Variants in VAV3 observed in about 807,000 individuals in gnomAD.
VAV3 encodes the protein vav guanine nucleotide exchange factor 3, also known as guanine nucleotide exchange factor VAV3.
A neutral mutation model predicts 131.2 loss-of-function variants in VAV3; 94 were observed. That is an observed-to-expected ratio of 0.72 (90% CI 0.61 to 0.85). The LOEUF is 0.85. Ranked by LOEUF, VAV3 falls within the 40% of genes least tolerant of loss-of-function variation. The pLI is 0.00. For synonymous variants in VAV3, 349 were observed against 342.0 expected, an observed-to-expected ratio of 1.02 and a Z score of -0.22; for missense variants, 939 against 1,002.7, an observed-to-expected ratio of 0.94 and a Z score of 0.86.
chr1:107,658,194 C>T (rs561345122), intron 19 of VAV3, among the ~76,000 whole-genome samples: 38 of 152,110 alleles, frequency 2.5e-4, no homozygotes, highest in South Asian at 8.3e-4. Flanking sequence ...TGAGAACATG[C>T]GGTGTTTGGT....
intron 2 of VAV3, among the ~76,000 whole-genome samples, chr1:107,826,552 G>C (rs1668022469): frequency 6.6e-6 from 1 of 152,156 alleles, no homozygotes; most frequent in Admixed American, 6.5e-5. Context: ...AAAGGTATGA[G>C]GTCATACTTT....
chr1:107,675,048 C>T (rs1024775711), intron 19 of VAV3, among the ~76,000 whole-genome samples: 24 of 152,100 alleles, frequency 1.6e-4, no homozygotes, highest in Admixed American at 6.6e-4. Flanking sequence ...GTTGAGCCTT[C>T]GGATGAGATC....
chr1:107,679,434 C>T (rs1312192334), intron 19 of VAV3, among the ~76,000 whole-genome samples: 1 of 152,074 alleles, frequency 6.6e-6, no homozygotes, highest in Non-Finnish European at 1.5e-5. Flanking sequence ...CATTTCCCAT[C>T]TACTCCACAT....
chr1:107,640,790 T>A (rs552067774), intron 20 of VAV3, among the ~76,000 whole-genome samples: 1 of 151,916 alleles, frequency 6.6e-6, no homozygotes, highest in East Asian at 1.9e-4. Context: ...TTAGCTTTGG[T>A]TGTGGAGAGG....
intron 18 of VAV3, among the ~76,000 whole-genome samples, chr1:107,684,461 T>C (rs562043791): frequency 6.6e-6 from 1 of 152,340 alleles, no homozygotes; most frequent in East Asian, 1.9e-4. Context: ...TAGCCATGGA[T>C]TTCTCTCAGG....
chr1:107,882,418 A>C (rs1325118717), intron 1 of VAV3, among the ~76,000 whole-genome samples: 2 of 152,184 alleles, frequency 1.3e-5, no homozygotes, highest in African/African-American at 2.4e-5. Context: ...CAGTTTCGAA[A>C]GGCACAGAAG....
At chr1:107,822,250 GCC>G (rs1448541361) in intron 2 of VAV3, among the ~76,000 whole-genome samples, 1 of 152,132 alleles carries the variant, frequency 6.6e-6, no homozygotes, top group African/African-American at 2.4e-5. Flanking sequence ...AGAAGAACTT[GCC>G]CTGTAGGGAA....
At position 107,573,329 on chromosome 1, in the gene VAV3, A is replaced by T. The variant is rs899446923; in HGVS notation, c.*2T>A. The stretch of plus-strand genomic sequence containing the variant: ...GTGCAGGGTGCAACACGGGATTTGA[A>T]TTTATTCATCCTCTTCCACATATGT... On this transcript the variant is annotated 3_prime_UTR_variant, in exon 27 of 27. Coordinates refer to ENST00000370056, the MANE Select transcript of VAV3 (RefSeq NM_006113.5). 1 of 1,614,114 alleles carries T rather than the reference A, an allele frequency of 6.2e-7. No homozygotes were observed. The highest frequency in any genetic ancestry group is 8.5e-7 in the Non-Finnish European group (1 of 1,180,020).
At chr1:107,792,368 C>G (rs910724953) in intron 2 of VAV3, among the ~76,000 whole-genome samples, 3 of 152,136 alleles carry the variant, frequency 2.0e-5, no homozygotes, top group African/African-American at 7.2e-5. Flanking sequence ...AAATACAGCT[C>G]AAATCGGTGG....
At chr1:107,913,634 ATCTC>A (rs530441547) in intron 1 of VAV3, among the ~76,000 whole-genome samples, 243 of 152,272 alleles carry the variant, frequency 1.6e-3, no homozygotes, top group Non-Finnish European at 2.8e-3. Context: ...ACACAAAATA[ATCTC>A]TCTTTCTCAA....
intron 19 of VAV3, among the ~76,000 whole-genome samples, chr1:107,653,972 A>G (rs1005727632): frequency 1.3e-5 from 2 of 152,058 alleles, no homozygotes; most frequent in Non-Finnish European, 2.9e-5. Flanking sequence ...TACTGTTCTG[A>G]CCACGAAAAC....
intron 1 of VAV3, among the ~76,000 whole-genome samples, chr1:107,891,581 G>A (rs1284292390): frequency 6.6e-6 from 1 of 151,916 alleles, no homozygotes; most frequent in Non-Finnish European, 1.5e-5. Context: ...GCTCATGCCT[G>A]TAAACCCAGC....
intron 1 of VAV3, among the ~76,000 whole-genome samples, chr1:107,902,768 A>G (rs1370225178): frequency 6.6e-6 from 1 of 152,180 alleles, no homozygotes; most frequent in Non-Finnish European, 1.5e-5. Flanking sequence ...TAGGATACAA[A>G]TAAAATTAAA....
chr1:107,920,528 T>C (rs1164591464), intron 1 of VAV3, among the ~76,000 whole-genome samples: 6 of 152,238 alleles, frequency 3.9e-5, no homozygotes, highest in Non-Finnish European at 8.8e-5. Context: ...CTCACAAATG[T>C]GTATATCTCT....
chr1:107,766,255 CTTCTTT>C (rs770237520), intron 8 of VAV3, among the ~76,000 whole-genome samples, 186 bp downstream of exon 8: 27 of 152,228 alleles, frequency 1.8e-4, no homozygotes, highest in Non-Finnish European at 3.4e-4. Context: ...CCTTCTTCTT[CTTCTTT>C]TTTTCTTTTT....
At chr1:107,669,450 G>T (rs1444437567) in intron 19 of VAV3, 2 of 1,289,364 alleles carry the variant, frequency 1.6e-6, no homozygotes, top group African/African-American at 1.5e-5. Context: ...TGGAAATAAA[G>T]AAATGAAGGA....
chr1:107,767,972 G>A (rs555591684), intron 7 of VAV3, among the ~76,000 whole-genome samples: 2 of 152,294 alleles, frequency 1.3e-5, no homozygotes, highest in Non-Finnish European at 2.9e-5. Flanking sequence ...TCATAAATGG[G>A]AGTTACATAT....
chr1:107,798,824 T>A (rs1197884177), intron 2 of VAV3, among the ~76,000 whole-genome samples: 4 of 152,086 alleles, frequency 2.6e-5, no homozygotes, highest in African/African-American at 9.7e-5. Flanking sequence ...TTCTATTGAT[T>A]TTTTAACATT....
chr1:107,613,408 C>G (rs942273305), intron 21 of VAV3, among the ~76,000 whole-genome samples: 4 of 152,048 alleles, frequency 2.6e-5, no homozygotes, highest in African/African-American at 9.7e-5. Context: ...CTTAATCTCT[C>G]TTAACTGCTC....
Sources: gnomAD v4.1 joint callset for allele counts (sites outside exome capture counted in the v4.1 genomes callset) on GRCh38, gnomAD v4.1.1 for gene constraint, MANE v1.5 for transcripts, NCBI Gene and HGNC (gene_info 2026-07-23, HGNC 2026-07-21) for gene names.